Variants in DDAH1 observed in about 807,000 individuals in gnomAD.
DDAH1 encodes the protein N(G),N(G)-dimethylarginine dimethylaminohydrolase 1.
In DDAH1, 19 loss-of-function variants were observed where a neutral mutation model predicts 28.8. The observed-to-expected ratio is 0.66, with a 90% CI of 0.46 to 0.97. The LOEUF (loss-of-function observed/expected upper bound fraction) is 0.97, where lower values mean the gene tolerates loss of function less well. DDAH1 is among the 50% of genes least tolerant of loss of function. The pLI is 0.00. For missense variants in DDAH1, 326 were observed against 375.9 expected (o/e 0.87, Z 1.10); for synonymous variants, 153 against 154.4 (o/e 0.99, Z 0.07).
chr1:85,551,420 C>A (rs1205206147), intron 1 of DDAH1, among the ~76,000 whole-genome samples: 1 of 152,222 alleles, frequency 6.6e-6, no homozygotes, highest in African/African-American at 2.4e-5. Context: ...CCAGCTTCTT[C>A]TGAGCACACT....
intron 4 of DDAH1, among the ~76,000 whole-genome samples, chr1:85,331,715 G>GAC (rs1266117481): frequency 2.0e-5 from 3 of 152,156 alleles, no homozygotes; most frequent in Non-Finnish European, 4.4e-5. Context: ...TCTTTCCACA[G>GAC]ACTAGTTCAA....
intron 2 of DDAH1, among the ~76,000 whole-genome samples, chr1:85,477,477 C>T (rs1655842356): frequency 6.6e-6 from 1 of 151,910 alleles, no homozygotes; most frequent in South Asian, 2.1e-4. Flanking sequence ...GAAAACCACC[C>T]GAAGAAAACA....
At chr1:85,483,847 G>A (rs1656099789) in intron 2 of DDAH1, among the ~76,000 whole-genome samples, 1 of 152,134 alleles carries the variant, frequency 6.6e-6, no homozygotes, top group Non-Finnish European at 1.5e-5. Context: ...CGCTCTGATT[G>A]TAGAAGTCAT....
At chr1:85,570,790 A>G (rs1311980052) in intron 1 of DDAH1, among the ~76,000 whole-genome samples, 1 of 152,182 alleles carries the variant, frequency 6.6e-6, no homozygotes, top group Non-Finnish European at 1.5e-5. Flanking sequence ...TAGAGTCATC[A>G]GTGGCTCAAA....
intron 1 of DDAH1, among the ~76,000 whole-genome samples, chr1:85,445,093 C>T (rs996748398): frequency 3.9e-5 from 6 of 152,290 alleles, no homozygotes; most frequent in Non-Finnish European, 8.8e-5. Flanking sequence ...ATATTCTAGC[C>T]GTGCTGGCAG....
At chr1:85,444,025 G>T (rs34278923) in intron 1 of DDAH1, among the ~76,000 whole-genome samples, 11 of 151,954 alleles carry the variant, frequency 7.2e-5, no homozygotes, top group Non-Finnish European at 1.0e-4. Flanking sequence ...CTGCCTGATT[G>T]TCCTGGCCAG....
intron 1 of DDAH1, among the ~76,000 whole-genome samples, chr1:85,555,989 T>C (rs1396662946): frequency 6.6e-6 from 1 of 152,194 alleles, no homozygotes; most frequent in Non-Finnish European, 1.5e-5. Context: ...CTCCCTACCC[T>C]ACATTTCTGC....
At chr1:85,409,814 G>A (rs937011858) in intron 1 of DDAH1, among the ~76,000 whole-genome samples, 12 of 152,120 alleles carry the variant, frequency 7.9e-5, no homozygotes, top group African/African-American at 2.9e-4. Flanking sequence ...AATCAATTGT[G>A]AAGCACCTAC....
chr1:85,575,179 C>T (rs1226547395), intron 1 of DDAH1, among the ~76,000 whole-genome samples: 1 of 152,088 alleles, frequency 6.6e-6, no homozygotes, highest in African/African-American at 2.4e-5. Flanking sequence ...TATGGTGAGC[C>T]TAGATCATGC....
At chr1:85,496,207 C>T (rs1656589333) in exon 2 of DDAH1, 1 of 985,120 alleles carries the variant, frequency 1.0e-6, no homozygotes, top group East Asian at 1.1e-4. Context: ...ATAGCTCTTG[C>T]TTTGTATTTT....
At chr1:85,434,533 A>C (rs1184427734) in intron 1 of DDAH1, among the ~76,000 whole-genome samples, 1 of 151,914 alleles carries the variant, frequency 6.6e-6, no homozygotes, top group Non-Finnish European at 1.5e-5. Context: ...CTGGGACTAC[A>C]GGCATGTGCC....
At chr1:85,440,926 T>A (rs180875136) in intron 1 of DDAH1, among the ~76,000 whole-genome samples, 11 of 152,334 alleles carry the variant, frequency 7.2e-5, no homozygotes, top group African/African-American at 2.4e-4. Flanking sequence ...TAAGAATGGT[T>A]AAGAGAGAAA....
chr1:85,576,301 C>T (rs941414252), intron 1 of DDAH1, among the ~76,000 whole-genome samples: 9 of 152,162 alleles, frequency 5.9e-5, no homozygotes, highest in African/African-American at 2.2e-4. Context: ...TTGCTGCCTC[C>T]TTTCCCAATT....
At chr1:85,322,318 T>C (rs1252600773) in intron 5 of DDAH1, among the ~76,000 whole-genome samples, 1 of 152,242 alleles carries the variant, frequency 6.6e-6, no homozygotes, top group African/African-American at 2.4e-5. Flanking sequence ...AACTTAAGTA[T>C]TTCAGGTTAA....
intron 1 of DDAH1, among the ~76,000 whole-genome samples, chr1:85,574,858 C>A (rs892824764): frequency 1.3e-5 from 2 of 151,946 alleles, no homozygotes; most frequent in South Asian, 4.2e-4. Flanking sequence ...CCAGCCTGGC[C>A]AACATGGTGA....
chr1:85,552,540 C>T (rs1658827761), intron 1 of DDAH1, among the ~76,000 whole-genome samples: 1 of 152,148 alleles, frequency 6.6e-6, no homozygotes. Context: ...AAGGAAGCTC[C>T]CTTAATTCTT....
intron 1 of DDAH1, among the ~76,000 whole-genome samples, chr1:85,540,743 A>C (rs1249257032): frequency 6.6e-6 from 1 of 152,224 alleles, no homozygotes; most frequent in East Asian, 1.9e-4. Context: ...GGATCACTTG[A>C]GGTCAGGAGT....
intron 1 of DDAH1, among the ~76,000 whole-genome samples, chr1:85,513,489 A>G (rs1657323926): frequency 6.6e-6 from 1 of 152,238 alleles, no homozygotes; most frequent in Admixed American, 6.5e-5. Context: ...ACAAAAGCCA[A>G]AATTGACAAA....
chr1:85,455,409 T>C (rs1025956918), intron 1 of DDAH1, among the ~76,000 whole-genome samples: 4 of 152,210 alleles, frequency 2.6e-5, no homozygotes, highest in South Asian at 2.1e-4. Flanking sequence ...CAGCTAATTA[T>C]AGGAAGGCTA....
Sources: allele counts gnomAD v4.1 joint callset (sites outside exome capture counted in the v4.1 genomes callset), GRCh38; gene constraint gnomAD v4.1.1; transcripts MANE v1.5; gene names NCBI Gene and HGNC (gene_info 2026-07-23, HGNC 2026-07-21).